The following GALNTL6 variants were observed in gnomAD, a reference collection of about 807,000 sequenced individuals.
The protein encoded by GALNTL6 is polypeptide N-acetylgalactosaminyltransferase like 6.
Under a neutral mutation model 73.7 loss-of-function variants are expected in GALNTL6, and 46 were observed. That is an observed-to-expected ratio of 0.62 (90% CI 0.49 to 0.80). GALNTL6 has a LOEUF of 0.80. Ranked by LOEUF, GALNTL6 falls within the 30% of genes least tolerant of loss-of-function variation. The pLI, the probability that GALNTL6 is intolerant of heterozygous loss-of-function variation, is 0.00. For missense variants in GALNTL6, 604 were observed against 755.0 expected (o/e 0.80, Z 2.34); for synonymous variants, 259 against 263.7 (o/e 0.98, Z 0.17).
At chr4:172,419,399 T>C (rs1730965647) in intron 5 of GALNTL6, among the ~76,000 whole-genome samples, 1 of 152,214 alleles carries the variant, frequency 6.6e-6, no homozygotes, top group African/African-American at 2.4e-5. Flanking sequence ...GAAACTGCTT[T>C]ATTAAATATG....
chr4:172,157,246 A>G (rs751668026), intron 2 of GALNTL6, among the ~76,000 whole-genome samples: 2 of 152,196 alleles, frequency 1.3e-5, no homozygotes, highest in African/African-American at 4.8e-5. Flanking sequence ...CTACAGCAAG[A>G]TAGAAAACTA....
At chr4:172,514,109 A>G (rs1176550862) in intron 5 of GALNTL6, among the ~76,000 whole-genome samples, 2 of 152,108 alleles carry the variant, frequency 1.3e-5, no homozygotes, top group Non-Finnish European at 2.9e-5. Flanking sequence ...AGCTTGCCCT[A>G]AGGTCACCTG....
chr4:172,710,029 CAAGT>C (rs1426415889), intron 5 of GALNTL6, among the ~76,000 whole-genome samples: 1 of 151,898 alleles, frequency 6.6e-6, no homozygotes, highest in Non-Finnish European at 1.5e-5. Flanking sequence ...AATTTAATGA[CAAGT>C]AAACATATGA....
At position 171,893,831 on chromosome 4, in the gene GALNTL6, A is replaced by G. The variant is rs568922091; in HGVS notation, c.138+79113A>G. 2.0e-5 allele frequency among the ~76,000 whole-genome samples: 3 copies of G among 152,248 alleles called. No individual in the cohort carries two copies. In the South Asian group the frequency reaches 6.2e-4, roughly 32 times the overall value. On this transcript the variant is annotated intron_variant, in intron 2 of 12. Transcript: ENST00000506823. Reference sequence around the variant, plus strand: ...CAGACTGCTAAACTGAAAAACAACTATTTCAGATCATGTTTTCAGGGCCAT... The same window carrying G: ...CAGACTGCTAAACTGAAAAACAACTGTTTCAGATCATGTTTTCAGGGCCAT...
intron 2 of GALNTL6, among the ~76,000 whole-genome samples, chr4:171,840,713 T>C (rs1046851378): frequency 2.0e-5 from 3 of 152,186 alleles, no homozygotes; most frequent in African/African-American, 7.2e-5. Flanking sequence ...CAATAGAGTT[T>C]CGTGTAACAA....
At chr4:172,387,896 A>G (rs1327505197) in intron 5 of GALNTL6, among the ~76,000 whole-genome samples, 7 of 152,070 alleles carry the variant, frequency 4.6e-5, no homozygotes, top group Admixed American at 4.6e-4. Flanking sequence ...CAAACAACTT[A>G]TATTTGTTCT....
chr4:172,481,036 A>G (rs1428447395), intron 5 of GALNTL6, among the ~76,000 whole-genome samples: 1 of 152,194 alleles, frequency 6.6e-6, no homozygotes, highest in Admixed American at 6.5e-5. Context: ...GACTTCAAGA[A>G]TGAAGCCGTG....
chr4:172,014,238 G>A (rs1741115323), intron 2 of GALNTL6, among the ~76,000 whole-genome samples: 1 of 151,946 alleles, frequency 6.6e-6, no homozygotes, highest in Non-Finnish European at 1.5e-5. Context: ...TATATGGTGA[G>A]CAGTGAGATT....
chr4:172,797,301 G>A (rs1740326907), intron 5 of GALNTL6, among the ~76,000 whole-genome samples: 1 of 151,952 alleles, frequency 6.6e-6, no homozygotes, highest in Non-Finnish European at 1.5e-5. Context: ...CCCGCAGGTT[G>A]GCGCTATGGA....
intron 10 of GALNTL6, among the ~76,000 whole-genome samples, chr4:172,970,244 T>G (rs1750515925): frequency 6.6e-6 from 1 of 152,196 alleles, no homozygotes; most frequent in Non-Finnish European, 1.5e-5. Flanking sequence ...GTGCATGTAT[T>G]GTCTTGATAA....
At position 172,150,622 on chromosome 4, in the gene GALNTL6, G is replaced by A. The variant is rs371554017; in HGVS notation, c.139-79034G>A. The stretch of plus-strand genomic sequence containing the variant: ...ATTTGTGGATGTAAAACAACCCTTG[G>A]TGGATTCAAGGAATTAAAATAATAG... On this transcript the variant is annotated intron_variant, in intron 2 of 12. Transcript: ENST00000506823. Among the ~76,000 whole-genome samples, 20 of 152,234 alleles carry A rather than the reference G, an allele frequency of 1.3e-4. No individual in the cohort carries two copies. In the East Asian group the frequency reaches 3.9e-3, roughly 29 times the overall value.
At chr4:171,843,233 T>C (rs1198705596) in intron 2 of GALNTL6, among the ~76,000 whole-genome samples, 2 of 152,154 alleles carry the variant, frequency 1.3e-5, no homozygotes, top group South Asian at 2.1e-4. Context: ...ATGAATATTC[T>C]GTTTAAAAGA....
intron 8 of GALNTL6, among the ~76,000 whole-genome samples, chr4:172,894,084 A>G (rs903702791): frequency 6.6e-6 from 1 of 152,154 alleles, no homozygotes; most frequent in Non-Finnish European, 1.5e-5. Flanking sequence ...AGATCTGTTC[A>G]AAGTGTGATG....
intron 2 of GALNTL6, among the ~76,000 whole-genome samples, chr4:171,944,728 C>T (rs939142947): frequency 4.0e-5 from 6 of 151,568 alleles, no homozygotes; most frequent in Admixed American, 2.6e-4. Flanking sequence ...TCTAACTATC[C>T]TGTATGCATT....
intron 10 of GALNTL6, among the ~76,000 whole-genome samples, chr4:172,970,962 G>A (rs942407888): frequency 6.6e-6 from 1 of 152,218 alleles, no homozygotes; most frequent in African/African-American, 2.4e-5. Flanking sequence ...GACGGGGTAA[G>A]AAATTATGAA....
intron 8 of GALNTL6, among the ~76,000 whole-genome samples, chr4:172,927,382 T>C (rs1357148462): frequency 3.9e-5 from 6 of 152,188 alleles, no homozygotes; most frequent in Non-Finnish European, 8.8e-5. Flanking sequence ...AATCTATGAG[T>C]GATCCATAAA....
At chr4:172,444,733 G>C (rs1346896719) in intron 5 of GALNTL6, among the ~76,000 whole-genome samples, 2 of 152,080 alleles carry the variant, frequency 1.3e-5, no homozygotes, top group Non-Finnish European at 2.9e-5. Flanking sequence ...TTTCCAGTGA[G>C]CTAGAGAAAT....
At chr4:172,892,216 TCTGA>T (rs1239182268) in intron 8 of GALNTL6, among the ~76,000 whole-genome samples, 4 of 152,222 alleles carry the variant, frequency 2.6e-5, no homozygotes, top group African/African-American at 9.7e-5. Flanking sequence ...AAAGAAATGC[TCTGA>T]CTTTTTGAAT....
intron 2 of GALNTL6, among the ~76,000 whole-genome samples, chr4:172,171,288 A>G (rs184886281): frequency 5.9e-4 from 90 of 152,320 alleles, no homozygotes; most frequent in Middle Eastern, 3.4e-3. Flanking sequence ...AGGACCTATA[A>G]TATCCTAAAA....
Sources: gnomAD v4.1 joint callset for allele counts (sites outside exome capture counted in the v4.1 genomes callset) on GRCh38, gnomAD v4.1.1 for gene constraint, MANE v1.5 for transcripts, NCBI Gene and HGNC (gene_info 2026-07-23, HGNC 2026-07-21) for gene names.